Variants in CCDC88C observed in about 807,000 individuals in gnomAD.
The protein encoded by CCDC88C is coiled-coil and HOOK domain protein 88C, also known as protein Daple.
Under a neutral mutation model 198.8 loss-of-function variants are expected in CCDC88C, and 131 were observed. The ratio of observed to expected loss-of-function variants is 0.66; its 90% CI spans 0.57 to 0.76. The LOEUF (loss-of-function observed/expected upper bound fraction) is 0.76, where lower values mean the gene tolerates loss of function less well. Ranked by LOEUF, CCDC88C falls within the 30% of genes least tolerant of loss-of-function variation. CCDC88C has a pLI of 0.00. For synonymous variants in CCDC88C, 1,166 were observed against 1,114.7 expected (o/e 1.05, Z -0.92); for missense variants, 2,553 against 2,631.6 (o/e 0.97, Z 0.65).
intron 3 of CCDC88C, chr14:91,378,963 T>C (rs1307368634): frequency 2.6e-5 from 4 of 152,206 alleles, no homozygotes; most frequent in African/African-American, 4.8e-5. Context: ...CAGGCATCCA[T>C]GTGCAGAAGT....
intron 15 of CCDC88C, among the ~76,000 whole-genome samples, chr14:91,311,827 C>G (rs1296080205): frequency 6.6e-6 from 1 of 152,056 alleles, no homozygotes; most frequent in African/African-American, 2.4e-5. Flanking sequence ...ACTCTTTGAC[C>G]CTGTAATTCC....
intron 3 of CCDC88C, among the ~76,000 whole-genome samples, chr14:91,407,512 G>A (rs987528447): frequency 6.6e-6 from 1 of 152,166 alleles, no homozygotes; most frequent in Non-Finnish European, 1.5e-5. Context: ...AGTTGTTCTT[G>A]AGCAGTTCTC....
rs60010369 is a variant in CCDC88C at position 91,351,081 on chromosome 14, T to C, written c.341-7424A>G. Among the ~76,000 whole-genome samples the C allele has an allele frequency of 5.8e-4, 89 of 152,314 alleles. 1 individual carries two copies. The East Asian group carries it at 0.016, about 28-fold the overall frequency. ...CGCAGGTTGTTTAACCAGCGTTTGC[T>C]GACTGAGTGAGGTTAACTGTTAGCA... On this transcript the variant is annotated intron_variant, in intron 4 of 29. Transcript: ENST00000389857.
At chr14:91,283,218 C>T (rs926327081) in intron 26 of CCDC88C, 111 bp downstream of exon 26, 8 of 1,112,778 alleles carry the variant, frequency 7.2e-6, no homozygotes, top group Non-Finnish European at 1.0e-5. Flanking sequence ...CCTCTACTCA[C>T]CACCTCTCAG....
chr14:91,398,373 C>A (rs1567121905), intron 3 of CCDC88C, among the ~76,000 whole-genome samples: 1 of 152,234 alleles, frequency 6.6e-6, no homozygotes, highest in Non-Finnish European at 1.5e-5. Flanking sequence ...AACACCAACA[C>A]TGGCTGGCAT....
At position 91,317,171 on chromosome 14, in the gene CCDC88C, A is replaced by G. The variant is rs536479606; in HGVS notation, c.1528-1384T>C. Among the ~76,000 whole-genome samples the G allele has an allele frequency of 1.8e-4, 28 of 152,348 alleles. No individual in the cohort carries two copies. The South Asian group carries it at 5.4e-3, about 29-fold the overall frequency. On this transcript the variant is annotated intron_variant, in intron 13 of 29. Coordinates refer to ENST00000389857, the MANE Select transcript of CCDC88C (RefSeq NM_001080414.4). ...CAATACAAAGCTACAGACACAGAGG[A>G]GGGAGGGGGCTTCTCTAGGACCCAT... is the stretch of plus-strand genomic sequence containing the variant.
In CCDC88C at chr14:91,273,078, G is replaced by A. The variant is rs1889809391; in HGVS notation, c.5634C>T (p.Ser1878=). Residue 1878 remains serine, a synonymous_variant, in exon 30 of 30, where the codon AGC becomes AGT. Coordinates refer to ENST00000389857, the MANE Select transcript of CCDC88C (RefSeq NM_001080414.4). The surrounding 1 kb of genome is among the most constrained non-coding windows in gnomAD (Gnocchi z 5.6). ...AGAAGCGCCTCGTGTCCAGCGGCCG[G>A]CTGCGGGGACCTGGGCCCTGACAGG... ...GSSCQGPGPR[S]RPLDTRRFSL... 1 of 1,560,488 alleles carries A rather than the reference G, an allele frequency of 6.4e-7. No individual in the cohort carries two copies.
chr14:91,363,072 C>A (rs1195074395), intron 3 of CCDC88C, among the ~76,000 whole-genome samples: 1 of 152,174 alleles, frequency 6.6e-6, no homozygotes, highest in Admixed American at 6.5e-5. Context: ...CCTTAAAGAA[C>A]CATCAATCAC....
chr14:91,373,621 C>G (rs1220054420), intron 3 of CCDC88C, among the ~76,000 whole-genome samples: 1 of 152,170 alleles, frequency 6.6e-6, no homozygotes, highest in Non-Finnish European at 1.5e-5. Flanking sequence ...GCAAGAAACT[C>G]TCTATTCTAT....
At chr14:91,401,454 C>T (rs1183244035) in intron 3 of CCDC88C, among the ~76,000 whole-genome samples, 5 of 151,096 alleles carry the variant, frequency 3.3e-5, no homozygotes, top group Non-Finnish European at 7.4e-5. Flanking sequence ...CCTGCCTCAA[C>T]CTCCTGAGTA....
intron 4 of CCDC88C, among the ~76,000 whole-genome samples, chr14:91,353,453 A>G (rs1397962783): frequency 1.3e-5 from 2 of 152,088 alleles, no homozygotes; most frequent in African/African-American, 4.8e-5. Flanking sequence ...GGGCTTCCTG[A>G]GCAGAGGCGG....
Position 91,272,723 on chromosome 14 carries a change from C to A in CCDC88C, c.5989G>T (p.Glu1997Ter). 6.2e-7 allele frequency: 1 copy of A among 1,610,844 alleles called. No homozygotes were observed. Residue 1997 changes from glutamate (E) to a stop codon, truncating the protein, a stop_gained, in exon 30 of 30, where the codon GAG becomes TAG. Transcript: ENST00000389857. LOFTEE classifies it high-confidence loss of function. ...GAGACGCTCCCTCGACTGCAGTCCTCCAGGGCCCGGCCGAGGTGGGGAGCC... is the reference window on the plus strand; with the variant it reads ...GAGACGCTCCCTCGACTGCAGTCCTACAGGGCCCGGCCGAGGTGGGGAGCC... ...DLAPHLGRAL[E>*]DCSRGSVSKS...
At position 91,345,186 on chromosome 14, in the gene CCDC88C, A is replaced by T. The variant is rs1210005387; in HGVS notation, c.341-1529T>A. Among the ~76,000 whole-genome samples, 355 of 72,418 alleles carry T rather than the reference A, an allele frequency of 4.9e-3. 7 individuals are homozygous for T. The highest frequency in any genetic ancestry group is 0.017 in the African/African-American group (306 of 17,954). 47.5% of individuals were successfully genotyped at this position (72,418 alleles called of 152,430 possible). On this transcript the variant is annotated intron_variant, in intron 4 of 29. Coordinates refer to ENST00000389857, the MANE Select transcript of CCDC88C (RefSeq NM_001080414.4). ...TCAATTTATATATATATATATATAT[A>T]TATATTTTTTTTTTTTTTTTTTTTG...
At chr14:91,383,617 C>T (rs1884946569) in intron 3 of CCDC88C, among the ~76,000 whole-genome samples, 2 of 152,222 alleles carry the variant, frequency 1.3e-5, no homozygotes, top group South Asian at 4.1e-4. Context: ...TTTGCAAAAC[C>T]AGTTCTTGCT....
intron 10 of CCDC88C, among the ~76,000 whole-genome samples, chr14:91,334,444 C>T (rs1237867031): frequency 3.9e-5 from 6 of 152,164 alleles, no homozygotes; most frequent in Non-Finnish European, 8.8e-5. Context: ...GATGGGGTTT[C>T]ACCATGTTGC....
intron 25 of CCDC88C, among the ~76,000 whole-genome samples, chr14:91,286,767 T>A (rs1331568763): frequency 6.6e-6 from 1 of 152,186 alleles, no homozygotes; most frequent in Non-Finnish European, 1.5e-5. Context: ...AGGCAGTCCA[T>A]GCAGTTAAGT....
At position 91,288,100 on chromosome 14, in the gene CCDC88C, G is replaced by A. The variant is rs999194316; in HGVS notation, c.4441+1005C>T. ...CCTTTTACGTGTGTGTACAAAAATC[G>A]AATTCTTATTTAGAAAAGCTCTTTC... On this transcript the variant is annotated intron_variant, in intron 25 of 29. Coordinates refer to ENST00000389857, the MANE Select transcript of CCDC88C (RefSeq NM_001080414.4). The surrounding 1 kb of genome is among the most constrained non-coding windows in gnomAD (Gnocchi z 4.2). Among the ~76,000 whole-genome samples the A allele has an allele frequency of 2.0e-5, 3 of 152,226 alleles. No homozygotes were observed. The highest frequency in any genetic ancestry group is 7.2e-5 in the African/African-American group (3 of 41,542).
intron 2 of CCDC88C, among the ~76,000 whole-genome samples, chr14:91,410,688 C>T (rs1403879627): frequency 1.3e-5 from 2 of 152,222 alleles, no homozygotes. Context: ...CTTAAAGGTA[C>T]AATTCCCCTC....
intron 26 of CCDC88C, among the ~76,000 whole-genome samples, chr14:91,282,920 C>T (rs1056131766): frequency 6.6e-6 from 1 of 152,194 alleles, no homozygotes; most frequent in South Asian, 2.1e-4. Context: ...AATACACATA[C>T]ACACACTAAT....
Sources: gnomAD v4.1 joint callset for allele counts (sites outside exome capture counted in the v4.1 genomes callset) on GRCh38, gnomAD v4.1.1 for gene constraint, Gnocchi (gnomAD v3.1) non-coding constraint, MANE v1.5 for transcripts, NCBI Gene and HGNC (gene_info 2026-07-23, HGNC 2026-07-21) for gene names.